LGI3: variants seen among roughly 807,000 people sequenced by gnomAD.
LGI3 encodes leucine-rich repeat LGI family member 3.
LGI3 carries 47 observed loss-of-function variants against 55.4 expected under a neutral mutation model. The observed-to-expected ratio is 0.85, with a 90% confidence interval of 0.67 to 1.08. The LOEUF is 1.08. Ranked by LOEUF, LGI3 falls within the 50% of genes least tolerant of loss-of-function variation. The pLI is 0.00. For synonymous variants in LGI3, 326 were observed against 315.0 expected (o/e 1.04, Z -0.37); for missense variants, 664 against 726.3 (o/e 0.91, Z 0.99).
In LGI3 at chr8:22,148,154, C is replaced by T; in HGVS notation, c.*6G>A. 6.3e-7 allele frequency: 1 copy of T among 1,575,498 alleles called. No homozygotes were observed. Among genetic ancestry groups the T allele is most frequent in the South Asian group, 1.2e-5 (1 of 85,056 alleles). On this transcript the variant is annotated 3_prime_UTR_variant, in exon 8 of 8. Transcript: ENST00000306317. The surrounding 1 kb of genome is among the most constrained non-coding windows in gnomAD (Gnocchi z 7.0). ...ACCCTGAGGAGACCAGAGGCCTCGG[C>T]ACCCCCTAGGCACTGAGATCCACCA...
In LGI3 at chr8:22,151,531, C is replaced by A. The variant is rs768834046; in HGVS notation, c.787G>T (p.Asp263Tyr). 1.2e-6 allele frequency: 2 copies of A among 1,614,120 alleles called. No individual in the cohort carries two copies. The highest frequency in any genetic ancestry group is 1.7e-6 in the Non-Finnish European group (2 of 1,180,042). Reference sequence around the variant, plus strand: ...TCTCGAAGCTGCCGCTCAACATAGTCCCACTTCAGGATGGTGCAGGCACTG... The same window carrying A: ...TCTCGAAGCTGCCGCTCAACATAGTACCACTTCAGGATGGTGCAGGCACTG... Reference protein sequence around the residue: ...GVSACTILKWDYVERQLRDYD... With the variant: ...GVSACTILKWYYVERQLRDYD... The change falls in exon 7 of 8, where the codon GAC (aspartate) becomes TAC (tyrosine). Residue 263 changes from aspartate (D) to tyrosine (Y), a missense_variant. Transcript: ENST00000306317.
chr8:22,155,188 C>G (rs1201829814), intron 2 of LGI3: 1 of 596,376 alleles, frequency 1.7e-6, no homozygotes, highest in Non-Finnish European at 3.0e-6. Context: ...TGTGCCATCC[C>G]TAGCTGTCCT....
intron 6 of LGI3, 66 bp from the exon 7 acceptor site, chr8:22,151,719 G>T (rs1827380916): frequency 6.3e-7 from 1 of 1,582,700 alleles, no homozygotes; most frequent in East Asian, 2.2e-5. Flanking sequence ...GGGTGATGGT[G>T]GTTGCTTTAC....
Position 22,156,650 on chromosome 8 carries a change from T to G in LGI3, c.-108A>C. The G allele has an allele frequency of 3.4e-6, 1 of 290,802 alleles. No homozygotes were observed. Among genetic ancestry groups the G allele is most frequent in the Non-Finnish European group, 6.0e-6 (1 of 166,060 alleles). 18.0% of individuals were successfully genotyped at this position (290,802 alleles called of 1,614,324 possible). A position where few individuals can be genotyped will look rare whatever the true frequency, so the allele number is the denominator to read the frequency against. On this transcript the variant is annotated 5_prime_UTR_variant, in exon 1 of 8. Transcript: ENST00000306317. ...GCACCTCCCTGCCACCGGCAGCTGC[T>G]ACCGCAGCCAGGGGCCCGCCTGCGG...
rs1586411675 is a variant in LGI3, at chr8:22,156,428, A to G, written c.115T>C (p.Cys39Arg). ...CTGGTGCAAGAGCAGCTGGGCGGGC[A>G]GGGGGGCGTCTTGGGGGGCCTCTTA... ...SAKRPPKTPP[C>R]PPSCSCTRDT... Residue 39 changes from cysteine (C) to arginine (R), a missense_variant, in exon 1 of 8, where the codon TGC becomes CGC. Physicochemically the swap from Cys to Arg is radical, Grantham distance 180. Coordinates refer to ENST00000306317, the MANE Select transcript of LGI3 (RefSeq NM_139278.4). The G allele has an allele frequency of 6.3e-7, 1 of 1,582,618 alleles. No homozygotes were observed. Among genetic ancestry groups the G allele is most frequent in the African/African-American group, 1.4e-5 (1 of 72,896 alleles).
chr8:22,148,185 T>C lies in LGI3; in HGVS notation c.1622A>G (p.His541Arg). 1 of 1,608,260 alleles carries C rather than the reference T, an allele frequency of 6.2e-7. No homozygotes were observed. The highest frequency in any genetic ancestry group is 2.2e-5 in the East Asian group (1 of 44,846). ...CTAGGCACTGAGATCCACCACAATGTGTCTATACACCAGCGTCTGTCCCTT... is the reference window on the plus strand; with the variant it reads ...CTAGGCACTGAGATCCACCACAATGCGTCTATACACCAGCGTCTGTCCCTT... Reference protein sequence around the residue: ...SFKGQTLVYRHIVVDLSA With the variant: ...SFKGQTLVYRRIVVDLSA The change falls in exon 8 of 8, where the codon CAC becomes CGC. Residue 541 changes from histidine (H) to arginine (R), a missense_variant. Physicochemically the swap from His to Arg is conservative, Grantham distance 29 (BLOSUM62 0). Coordinates refer to ENST00000306317, the MANE Select transcript of LGI3 (RefSeq NM_139278.4). The surrounding 1 kb of genome is among the most constrained non-coding windows in gnomAD (Gnocchi z 7.0).
intron 3 of LGI3, 52 bp from the exon 4 acceptor site, chr8:22,154,265 A>G (rs1404153524): frequency 1.9e-5 from 27 of 1,446,534 alleles, no homozygotes; most frequent in Non-Finnish European, 2.6e-5. Context: ...CCAGACCCCC[A>G]GCAGCACTCG....
Position 22,149,478 on chromosome 8 carries a change from G to A in LGI3, c.830-501C>T, listed in dbSNP as rs139534770. Among the ~76,000 whole-genome samples, 43 of 152,288 alleles carry A rather than the reference G, an allele frequency of 2.8e-4. 1 individual carries two copies. The East Asian group carries it at 8.3e-3, about 29-fold the overall frequency. On this transcript the variant is annotated intron_variant, in intron 7 of 7. Transcript: ENST00000306317. Reference sequence around the variant, plus strand: ...CAGGGAAGGGAGGGAGAATTTGAGTGGATCCACAGCGGGGAGAGAAATCTT... The same window carrying A: ...CAGGGAAGGGAGGGAGAATTTGAGTAGATCCACAGCGGGGAGAGAAATCTT...
rs1371245810 is a variant in LGI3, at chr8:22,156,518, C to G, written c.25G>C (p.Gly9Arg). ...AGCGCCAGCAGCCCCGGCCCCGGGC[C>G]CCCCCTGGCCCGCAGCCCCGCCATG... MAGLRARG[G>R]PGPGLLALSA... Residue 9 changes from glycine to arginine, a missense_variant, in exon 1 of 8, where the codon GGC becomes CGC. Transcript: ENST00000306317. 1.1e-5 allele frequency: 15 copies of G among 1,358,998 alleles called. No individual in the cohort carries two copies. The highest frequency in any genetic ancestry group is 1.8e-5 in the South Asian group (1 of 55,992). 84.2% of individuals were successfully genotyped at this position (1,358,998 alleles called of 1,614,324 possible).
intron 3 of LGI3, 125 bp from the exon 4 acceptor site, chr8:22,154,338 C>T (rs1484762575): frequency 2.2e-5 from 19 of 860,886 alleles, no homozygotes; most frequent in Non-Finnish European, 3.5e-5. Flanking sequence ...TGGAGTCTGG[C>T]ATCACCAAGC....
chr8:22,156,191 C>T, intron 1 of LGI3, 146 bp downstream of exon 1: 1 of 831,644 alleles, frequency 1.2e-6, no homozygotes, highest in African/African-American at 1.8e-5. Context: ...CGACTGGTGC[C>T]TGGAATCTCC....
At chr8:22,152,124 A>G in intron 5 of LGI3, 124 bp from the exon 6 acceptor site, 2 of 709,076 alleles carry the variant, frequency 2.8e-6, no homozygotes, top group Non-Finnish European at 4.5e-6. Flanking sequence ...GCTCACATGC[A>G]TCTTTGTAAG....
Position 22,156,664 on chromosome 8 carries a change from G to C in LGI3, c.-122C>G. The C allele has an allele frequency of 3.6e-6, 1 of 275,218 alleles. No individual in the cohort carries two copies. The highest frequency in any genetic ancestry group is 6.6e-6 in the Non-Finnish European group (1 of 152,502). The allele number at this position is 275,218 out of a possible 1,614,324, so 17.0% of individuals were successfully genotyped here. On this transcript the variant is annotated 5_prime_UTR_variant, in exon 1 of 8. Transcript: ENST00000306317. ...CCGGCAGCTGCTACCGCAGCCAGGGGCCCGCCTGCGGACTCCTCCTGCCCT... is the reference window on the plus strand; with the variant it reads ...CCGGCAGCTGCTACCGCAGCCAGGGCCCCGCCTGCGGACTCCTCCTGCCCT...
chr8:22,155,290 G>T, intron 2 of LGI3, 102 bp downstream of exon 2: 1 of 1,074,008 alleles, frequency 9.3e-7, no homozygotes, highest in Non-Finnish European at 1.4e-6. Flanking sequence ...ATCTTCGTCT[G>T]CAGAGGCTGC....
intron 5 of LGI3, among the ~76,000 whole-genome samples, chr8:22,152,884 C>G (rs1353025074): frequency 6.6e-6 from 1 of 151,466 alleles, no homozygotes; most frequent in South Asian, 2.1e-4. Flanking sequence ...AACCCCATCT[C>G]TATTAAAAAT....
At chr8:22,151,465 C>T (rs1282848967) in intron 7 of LGI3, 24 bp downstream of exon 7, 1 of 1,611,180 alleles carries the variant, frequency 6.2e-7, no homozygotes. Context: ...CAAGGGCCAG[C>T]AGAACCAGAT....
rs146853993 is a variant in LGI3, at chr8:22,154,149, T to G, written c.415A>C (p.Thr139Pro). ...KFTFRGLKSL[T>P]HLSLANNNLQ... ...TATGTGTGACGTACTCACAGGTGAG[T>G]CAAGGACTTGAGTCCTCGGAAGGTG... Residue 139 changes from threonine (T) to proline (P), a missense_variant, in exon 4 of 8, where the codon ACT (threonine) becomes CCT (proline). By Grantham distance (38) the Thr-to-Pro change is conservative (BLOSUM62 -1). Transcript: ENST00000306317. 6.2e-7 allele frequency: 1 copy of G among 1,613,728 alleles called. No individual in the cohort carries two copies. The highest frequency in any genetic ancestry group is 1.1e-5 in the South Asian group (1 of 91,074).
intron 5 of LGI3, among the ~76,000 whole-genome samples, chr8:22,152,624 C>T (rs557338839): frequency 2.0e-5 from 3 of 152,072 alleles, no homozygotes; most frequent in South Asian, 2.1e-4. Flanking sequence ...CACCTGTGGT[C>T]CCAGCACTTG....
chr8:22,151,411 C>T (rs1314691837), intron 7 of LGI3, 78 bp downstream of exon 7: 1 of 1,403,788 alleles, frequency 7.1e-7, no homozygotes. Context: ...CCTACAGGAA[C>T]TCAATGGGGT....
Sources: allele counts gnomAD v4.1 joint callset (sites outside exome capture counted in the v4.1 genomes callset), GRCh38; gene constraint gnomAD v4.1.1; non-coding constraint Gnocchi (gnomAD v3.1); transcripts MANE v1.5; gene names NCBI Gene and HGNC (gene_info 2026-07-23, HGNC 2026-07-21).